Variants in PDE1A observed in about 807,000 individuals in gnomAD.
PDE1A encodes dual specificity calcium/calmodulin-dependent 3',5'-cyclic nucleotide phosphodiesterase 1A.
In PDE1A, 35 loss-of-function variants were observed where a neutral mutation model predicts 61.7. The observed-to-expected ratio is 0.57, with a 90% CI of 0.43 to 0.75. The LOEUF is 0.75. Ranked by LOEUF, PDE1A falls within the 30% of genes least tolerant of loss-of-function variation. PDE1A has a pLI of 0.00. For missense variants in PDE1A, 597 were observed against 630.6 expected (o/e 0.95, Z 0.57); for synonymous variants, 232 against 213.2 (o/e 1.09, Z -0.77).
At chr2:182,629,207 T>A in the PDE1A span, among the ~76,000 whole-genome samples, 73 of 152,298 alleles carry the variant, frequency 4.8e-4, no homozygotes, top group African/African-American at 1.7e-3. Context: ...GGGAATTCAG[T>A]CCTGCCAACA....
intron 13 of PDE1A, among the ~76,000 whole-genome samples, chr2:182,178,689 T>G (rs1684493767): frequency 6.6e-6 from 1 of 152,062 alleles, no homozygotes. Flanking sequence ...GTGTAGAATG[T>G]CAGGACAGGA....
At chr2:182,240,519 G>C (rs1690418935) in intron 2 of PDE1A, among the ~76,000 whole-genome samples, 1 of 152,162 alleles carries the variant, frequency 6.6e-6, no homozygotes, top group Non-Finnish European at 1.5e-5. Flanking sequence ...AGCATTTGCA[G>C]CTTCCCAAAC....
rs963083495 is a variant in PDE1A at position 182,251,123 on chromosome 2, C to T, written c.168-10831G>A. Among the ~76,000 whole-genome samples, 35 of 152,268 alleles carry T rather than the reference C, an allele frequency of 2.3e-4. No individual in the cohort carries two copies. In the South Asian group the frequency reaches 2.9e-3, roughly 13 times the overall value. ...ATTCCATTAGGCATAGAGCCTAATG[C>T]TCCACTGATTAACAAATTTTGATTA... is the stretch of plus-strand genomic sequence containing the variant. On this transcript the variant is annotated intron_variant, in intron 2 of 13. Transcript: ENST00000351439.
Position 182,353,412 on chromosome 2 carries a change from G to C in PDE1A, c.53+73166C>G, listed in dbSNP as rs116422092. 1.9e-3 allele frequency among the ~76,000 whole-genome samples: 286 copies of C among 152,214 alleles called. 2 individuals carry two copies. Among genetic ancestry groups the C allele is most frequent in the African/African-American group, 6.6e-3 (276 of 41,546 alleles). On this transcript the variant is annotated intron_variant, in intron 1 of 13. Coordinates refer to ENST00000351439, the Ensembl canonical transcript of PDE1A. ...GTTCTAACTCTTTCACCTCTATTCTGAGGTATAAACAAAAAACAGTTCACT... is the reference window on the plus strand; with the variant it reads ...GTTCTAACTCTTTCACCTCTATTCTCAGGTATAAACAAAAAACAGTTCACT...
At chr2:182,168,848 CA>C (rs1242294883) in intron 13 of PDE1A, among the ~76,000 whole-genome samples, 5 of 151,946 alleles carry the variant, frequency 3.3e-5, no homozygotes, top group Non-Finnish European at 5.9e-5. Flanking sequence ...ACAACAACAA[CA>C]AAATTTCTGA....
At chr2:182,370,588 C>G (rs1700077132) in intron 1 of PDE1A, among the ~76,000 whole-genome samples, 1 of 152,106 alleles carries the variant, frequency 6.6e-6, no homozygotes, top group Non-Finnish European at 1.5e-5. Flanking sequence ...AACCCAGAAC[C>G]CAGAGAATGT....
At chr2:182,444,919 G>T (rs1176968460) in intron 2 of PDE1A, among the ~76,000 whole-genome samples, 1 of 152,034 alleles carries the variant, frequency 6.6e-6, no homozygotes, top group Non-Finnish European at 1.5e-5. Flanking sequence ...ATCCTCTGTG[G>T]TTTTATGTGC....
At chr2:182,467,480 G>GA (rs966518816) in intron 2 of PDE1A, among the ~76,000 whole-genome samples, 9 of 151,892 alleles carry the variant, frequency 5.9e-5, no homozygotes, top group African/African-American at 1.7e-4. Flanking sequence ...AACATTTCAG[G>GA]AAAAAATAGT....
the PDE1A span, among the ~76,000 whole-genome samples, chr2:182,539,222 T>C: frequency 6.6e-6 from 1 of 152,198 alleles, no homozygotes; most frequent in African/African-American, 2.4e-5. Flanking sequence ...TCATAGTAAA[T>C]TTCCAAGTTA....
chr2:182,627,310 AAT>A, the PDE1A span, among the ~76,000 whole-genome samples: 1 of 52,994 alleles, frequency 1.9e-5, no homozygotes, highest in Non-Finnish European at 3.7e-5. Flanking sequence ...ATATAAATAA[AAT>A]ATATATATTA....
At chr2:182,245,999 C>T (rs1690917343) in intron 2 of PDE1A, among the ~76,000 whole-genome samples, 1 of 152,210 alleles carries the variant, frequency 6.6e-6, no homozygotes. Flanking sequence ...AGCCTGCTAA[C>T]TGGCCTCCCC....
At chr2:182,286,052 A>G (rs756006252) in intron 1 of PDE1A, among the ~76,000 whole-genome samples, 10 of 152,174 alleles carry the variant, frequency 6.6e-5, no homozygotes, top group Non-Finnish European at 1.2e-4. Context: ...AAATGAAGTA[A>G]TATATGTGAA....
chr2:182,261,988 G>A (rs1692246841), intron 2 of PDE1A, among the ~76,000 whole-genome samples: 1 of 151,912 alleles, frequency 6.6e-6, no homozygotes. Context: ...AACAATAAGA[G>A]CACACATAAA....
intron 1 of PDE1A, among the ~76,000 whole-genome samples, chr2:182,331,722 T>TA (rs1697422573): frequency 6.6e-6 from 1 of 152,242 alleles, no homozygotes; most frequent in Non-Finnish European, 1.5e-5. Flanking sequence ...GATCCACTAT[T>TA]AGTCTGATGG....
intron 1 of PDE1A, among the ~76,000 whole-genome samples, chr2:182,300,089 T>C (rs1310112570): frequency 6.6e-6 from 1 of 152,198 alleles, no homozygotes; most frequent in East Asian, 1.9e-4. Context: ...GAACAAGTTA[T>C]TGTACTTTGC....
chr2:182,453,577 G>A (rs1268988559), intron 2 of PDE1A, among the ~76,000 whole-genome samples: 2 of 152,094 alleles, frequency 1.3e-5, no homozygotes, highest in African/African-American at 4.8e-5. Context: ...CCATGATCAA[G>A]TGGGCTTCAT....
intron 7 of PDE1A, among the ~76,000 whole-genome samples, chr2:182,221,897 G>A (rs992973681): frequency 2.0e-5 from 3 of 151,882 alleles, no homozygotes; most frequent in Non-Finnish European, 4.4e-5. Context: ...TTTAGATGAC[G>A]GATATCAGAC....
intron 1 of PDE1A, among the ~76,000 whole-genome samples, chr2:182,341,081 T>A (rs545806609): frequency 6.6e-6 from 1 of 152,344 alleles, no homozygotes; most frequent in South Asian, 2.1e-4. Flanking sequence ...TCATTAATAA[T>A]AAAACCTAAG....
At chr2:182,708,141 A>C in the PDE1A span, among the ~76,000 whole-genome samples, 1 of 152,102 alleles carries the variant, frequency 6.6e-6, no homozygotes, top group African/African-American at 2.4e-5. Context: ...ATGTACAATT[A>C]TTACATGTTA....
Sources: allele counts gnomAD v4.1 joint callset (sites outside exome capture counted in the v4.1 genomes callset), GRCh38; gene constraint gnomAD v4.1.1; transcripts MANE v1.5; gene names NCBI Gene and HGNC (gene_info 2026-07-23, HGNC 2026-07-21).